Variants in PTPRE observed in about 807,000 individuals in gnomAD.
PTPRE encodes the protein protein tyrosine phosphatase receptor type E, also known as receptor-type tyrosine-protein phosphatase epsilon.
In PTPRE, 51 loss-of-function variants were observed where a neutral mutation model predicts 102.0. The observed-to-expected ratio is 0.50, with a 90% CI of 0.40 to 0.63. The LOEUF (loss-of-function observed/expected upper bound fraction) is 0.63. Among genes scored for constraint, PTPRE ranks in the 30% least tolerant of loss-of-function variants. The probability of loss-of-function intolerance (pLI) is 0.00; values close to 1 mark genes in which losing one functional copy is unlikely to be tolerated. For synonymous variants in PTPRE, 345 were observed against 348.2 expected, an observed-to-expected ratio of 0.99 and a Z score of 0.10; for missense variants, 752 against 915.1, an observed-to-expected ratio of 0.82 and a Z score of 2.30.
intron 2 of PTPRE, chr10:127,987,252 T>C: frequency 9.9e-7 from 1 of 1,014,112 alleles, no homozygotes; most frequent in Non-Finnish European, 1.3e-6. Flanking sequence ...AGATTTCCTA[T>C]ATAAACTCAT....
intron 1 of PTPRE, chr10:127,965,030 T>C (rs1440767453): frequency 4.4e-6 from 2 of 456,712 alleles, no homozygotes; most frequent in South Asian, 3.1e-5. Flanking sequence ...AAGCATCTTT[T>C]TTCCTAATTT....
chr10:128,053,540 G>A (rs902758531), intron 6 of PTPRE, among the ~76,000 whole-genome samples: 8 of 152,172 alleles, frequency 5.3e-5, no homozygotes, highest in African/African-American at 1.9e-4. Context: ...TGGTTATTCT[G>A]TGCACTTGGA....
Position 128,072,172 on chromosome 10 carries a change from G to A in PTPRE, c.1422G>A (p.Arg474=). The change falls in exon 16 of 21, where the codon AGG becomes AGA. Residue 474 remains arginine, a synonymous_variant. Transcript: ENST00000254667. ...ACCGAGTGATCCTTTCCATGAAAAG[G>A]GGTCAAGAATACACAGACTACATCA... ...DFNRVILSMK[R]GQEYTDYINA... The A allele has an allele frequency of 6.2e-7, 1 of 1,613,960 alleles. No individual in the cohort carries two copies. The highest frequency in any genetic ancestry group is 8.5e-7 in the Non-Finnish European group (1 of 1,179,978).
intron 2 of PTPRE, among the ~76,000 whole-genome samples, chr10:128,012,063 CT>C (rs1006513196): frequency 5.3e-5 from 8 of 152,050 alleles, no homozygotes; most frequent in African/African-American, 1.9e-4. Flanking sequence ...GATTGTGAGC[CT>C]GGGTGTGAAC....
At chr10:128,057,461 A>G (rs1362005755) in intron 7 of PTPRE, among the ~76,000 whole-genome samples, 1 of 152,130 alleles carries the variant, frequency 6.6e-6, no homozygotes, top group East Asian at 1.9e-4. Context: ...TGGGCCCCGG[A>G]ATGCTGCTCC....
At chr10:128,039,853 C>T (rs1005448895) in intron 2 of PTPRE, among the ~76,000 whole-genome samples, 1 of 152,190 alleles carries the variant, frequency 6.6e-6, no homozygotes, top group Non-Finnish European at 1.5e-5. Flanking sequence ...CAGCAGGTGC[C>T]ACTGCCCACC....
chr10:128,025,984 G>A (rs896967028), intron 2 of PTPRE, among the ~76,000 whole-genome samples: 4 of 152,202 alleles, frequency 2.6e-5, no homozygotes, highest in Non-Finnish European at 5.9e-5. Flanking sequence ...ACTTCCAGAA[G>A]TACAATCTCC....
rs766050234 is a variant in PTPRE, at chr10:128,049,704, G to C, written c.420+38G>C. ...AGGGCTCTCTGCTGGGTGCCCTGTG[G>C]TGGAGACCTGTGAAATCCAGTGTTA... is the stretch of plus-strand genomic sequence containing the variant. On this transcript the variant is annotated intron_variant, in intron 6 of 20. Transcript: ENST00000254667. 12 of 1,612,164 alleles carry C rather than the reference G, an allele frequency of 7.4e-6. No homozygotes were observed. The African/African-American group carries it at 1.6e-4, about 22-fold the overall frequency.
At chr10:128,036,933 A>G (rs1485713821) in intron 2 of PTPRE, among the ~76,000 whole-genome samples, 2 of 152,216 alleles carry the variant, frequency 1.3e-5, no homozygotes, top group African/African-American at 4.8e-5. Context: ...CGCAAAGGCT[A>G]TCCTGTGTCA....
intron 2 of PTPRE, among the ~76,000 whole-genome samples, chr10:127,993,141 G>T (rs1260359331): frequency 1.3e-5 from 2 of 152,166 alleles, no homozygotes; most frequent in East Asian, 3.9e-4. Context: ...GAAAGACAGA[G>T]AACTACATCA....
At chr10:128,005,958 G>A (rs1854498707) in intron 2 of PTPRE, among the ~76,000 whole-genome samples, 1 of 152,084 alleles carries the variant, frequency 6.6e-6, no homozygotes, top group Non-Finnish European at 1.5e-5. Context: ...CCATCTTCAT[G>A]TGGCCTTCCT....
intron 2 of PTPRE, among the ~76,000 whole-genome samples, chr10:128,027,498 G>A (rs906940360): frequency 3.3e-5 from 5 of 152,152 alleles, no homozygotes; most frequent in Admixed American, 6.5e-5. Context: ...TGCTGTAATC[G>A]TCCTTGTTGA....
At chr10:128,010,973 G>A (rs1172997006) in intron 2 of PTPRE, among the ~76,000 whole-genome samples, 1 of 152,154 alleles carries the variant, frequency 6.6e-6, no homozygotes, top group Non-Finnish European at 1.5e-5. Flanking sequence ...GGAGCCACCC[G>A]TCTTCCTGAA....
At chr10:127,926,191 T>C (rs1846997914) in intron 1 of PTPRE, among the ~76,000 whole-genome samples, 1 of 152,222 alleles carries the variant, frequency 6.6e-6, no homozygotes, top group African/African-American at 2.4e-5. Flanking sequence ...TGTTACTTTA[T>C]AGAAAGCTGC....
chr10:128,040,772 C>A, intron 2 of PTPRE, 103 bp from the exon 3 acceptor site: 1 of 814,034 alleles, frequency 1.2e-6, no homozygotes, highest in East Asian at 2.7e-5. Context: ...CAGAGAAAGC[C>A]CTGAAATGAA....
In PTPRE at chr10:128,048,789, G is replaced by A. The variant is rs1848311088; in HGVS notation, c.284-741G>A. ...TGTCACTTGGAGGAATGAGTCTTGG[G>A]TGAAGTTTTTGGCTGGGCTTCAGAA... On this transcript the variant is annotated intron_variant, in intron 5 of 20. Coordinates refer to ENST00000254667, the MANE Select transcript of PTPRE (RefSeq NM_006504.6). Among the ~76,000 whole-genome samples the A allele has an allele frequency of 3.3e-5, 5 of 152,290 alleles. No homozygotes were observed. The South Asian group carries it at 1.0e-3, about 32-fold the overall frequency.
At chr10:127,943,195 C>T (rs12414312) in intron 1 of PTPRE, among the ~76,000 whole-genome samples, 22,900 of 152,140 alleles carry the variant, frequency 0.15, 1,878 homozygotes, top group East Asian at 0.27. Flanking sequence ...GTGCTCTTGT[C>T]GATAGCAACT....
intron 3 of PTPRE, among the ~76,000 whole-genome samples, chr10:128,041,446 G>A (rs892451561): frequency 3.3e-5 from 5 of 152,030 alleles, no homozygotes; most frequent in Admixed American, 1.3e-4. Flanking sequence ...TCAAGAGATT[G>A]AGACCATCTT....
chr10:127,986,860 T>G lies in PTPRE; in HGVS notation c.-8+4564T>G, dbSNP rs1852133676. ...CGGCCTTCAGAATCCCAGAAACAAG[T>G]GAGAAGCCTGGTGGGCAGAGCACAT... is the stretch of plus-strand genomic sequence containing the variant. On this transcript the variant is annotated intron_variant, in intron 2 of 20. Coordinates refer to ENST00000254667, the MANE Select transcript of PTPRE (RefSeq NM_006504.6). 2.0e-5 allele frequency among the ~76,000 whole-genome samples: 3 copies of G among 152,210 alleles called. No individual in the cohort carries two copies. In the South Asian group the frequency reaches 6.2e-4, roughly 32 times the overall value.
Sources: allele counts gnomAD v4.1 joint callset (sites outside exome capture counted in the v4.1 genomes callset), GRCh38; gene constraint gnomAD v4.1.1; transcripts MANE v1.5; gene names NCBI Gene and HGNC (gene_info 2026-07-23, HGNC 2026-07-21).